UBE2R2: variants seen among roughly 807,000 people sequenced by gnomAD.
UBE2R2 encodes the protein ubiquitin-conjugating enzyme E2 R2.
Under a neutral mutation model 27.8 loss-of-function variants are expected in UBE2R2, and 1 was observed. The ratio of observed to expected loss-of-function variants is 0.04; its 90% CI spans 0.01 to 0.17. The LOEUF is 0.17. UBE2R2 is among the 10% of genes least tolerant of loss of function. The probability of loss-of-function intolerance (pLI) is 1.00; values close to 1 mark genes in which losing one functional copy is unlikely to be tolerated. For missense variants in UBE2R2, 100 were observed against 291.0 expected, an observed-to-expected ratio of 0.34 and a Z score of 4.78; for synonymous variants, 106 against 113.3, an observed-to-expected ratio of 0.94 and a Z score of 0.41.
chr9:33,895,291 A>G (rs1822076187), intron 2 of UBE2R2, among the ~76,000 whole-genome samples: 1 of 152,156 alleles, frequency 6.6e-6, no homozygotes, highest in African/African-American at 2.4e-5. Flanking sequence ...TCCCACTACC[A>G]TTTATTGAAG....
At chr9:33,817,010 G>A (rs891191430), upstream of UBE2R2, among the ~76,000 whole-genome samples, 9 of 151,404 alleles carry the variant, frequency 5.9e-5, no homozygotes, top group East Asian at 2.0e-4. Flanking sequence ...GAAACGGGAG[G>A]AGGAGGAGGT....
intron 2 of UBE2R2, among the ~76,000 whole-genome samples, chr9:33,896,051 G>T (rs1822098232): frequency 6.6e-6 from 1 of 152,060 alleles, no homozygotes; most frequent in South Asian, 2.1e-4. Context: ...GGGATTACAG[G>T]TGTGAGCCAC....
intron 1 of UBE2R2, among the ~76,000 whole-genome samples, chr9:33,831,826 A>AT (rs1205508002): frequency 6.6e-6 from 1 of 151,482 alleles, no homozygotes; most frequent in Admixed American, 6.6e-5. Flanking sequence ...CGCCCGGTTA[A>AT]TTTTTTGTAT....
At chr9:33,842,454 T>A (rs1012403753) in intron 1 of UBE2R2, among the ~76,000 whole-genome samples, 2 of 150,396 alleles carry the variant, frequency 1.3e-5, no homozygotes, top group East Asian at 1.9e-4. Context: ...ATAATTGAAA[T>A]TTTTTTTTTG....
intron 1 of UBE2R2, among the ~76,000 whole-genome samples, chr9:33,880,507 C>A (rs1821710638): frequency 6.6e-6 from 1 of 151,928 alleles, no homozygotes; most frequent in Non-Finnish European, 1.5e-5. Context: ...TATGTCATTT[C>A]TTTAAACTTT....
In UBE2R2 at chr9:33,838,072, A is replaced by G. The variant is rs187017222; in HGVS notation, c.177+20138A>G. On this transcript the variant is annotated intron_variant, in intron 1 of 4. Coordinates refer to ENST00000263228, the MANE Select transcript of UBE2R2 (RefSeq NM_017811.4). ...GTTCCAAGGACCCCCACTGATACCAAAATCTTGAATGGTCAAGTCCCTTAT... is the reference window on the plus strand; with the variant it reads ...GTTCCAAGGACCCCCACTGATACCAGAATCTTGAATGGTCAAGTCCCTTAT... 3.1e-3 allele frequency among the ~76,000 whole-genome samples: 467 copies of G among 152,176 alleles called. 3 individuals are homozygous for G. The highest frequency in any genetic ancestry group is 4.0e-3 in the Non-Finnish European group (271 of 68,000).
intron 1 of UBE2R2, among the ~76,000 whole-genome samples, chr9:33,825,306 A>G (rs1335962968): frequency 1.3e-5 from 2 of 150,604 alleles, no homozygotes; most frequent in Non-Finnish European, 2.9e-5. Context: ...CAGTGGTACA[A>G]TCTTGGCTCA....
intron 1 of UBE2R2, among the ~76,000 whole-genome samples, chr9:33,843,021 CA>C (rs56193762): frequency 4.7e-4 from 46 of 97,782 alleles, no homozygotes; most frequent in Non-Finnish European, 6.0e-4. Context: ...ACCGTGTTTA[CA>C]AAAAAAAAAA....
At chr9:33,879,754 T>C (rs1431616654) in intron 1 of UBE2R2, among the ~76,000 whole-genome samples, 1 of 146,592 alleles carries the variant, frequency 6.8e-6, no homozygotes, top group African/African-American at 2.6e-5. Flanking sequence ...ACAAGACTTT[T>C]TTTTTTTTTT....
chr9:33,890,702 C>T (rs533745318), intron 2 of UBE2R2, among the ~76,000 whole-genome samples: 1 of 151,922 alleles, frequency 6.6e-6, no homozygotes, highest in Non-Finnish European at 1.5e-5. Flanking sequence ...CCCAGCTACT[C>T]AGGAGGCTGA....
At chr9:33,870,278 A>T (rs561657581) in intron 1 of UBE2R2, among the ~76,000 whole-genome samples, 69 of 152,026 alleles carry the variant, frequency 4.5e-4, no homozygotes, top group Non-Finnish European at 8.4e-4. Context: ...CAGTAGCTGG[A>T]ATTACAGGCT....
rs1308227238 is a variant in UBE2R2 at position 33,918,242 on chromosome 9, G to GT, written c.*1011dup. The stretch of plus-strand genomic sequence containing the variant: ...ACTCGTACCATGACGTTTTGTTTTT[G>GT]TTTTTTAAGTAGCCACTTTTAATTA... On this transcript the variant is annotated 3_prime_UTR_variant, in exon 5 of 5. Coordinates refer to ENST00000263228, the MANE Select transcript of UBE2R2 (RefSeq NM_017811.4). 3 of 151,980 alleles carry GT rather than the reference G, an allele frequency of 2.0e-5. No homozygotes were observed. The highest frequency in any genetic ancestry group is 1.3e-4 in the Admixed American group (2 of 15,252). 9.4% of individuals were successfully genotyped at this position (151,980 alleles called of 1,614,324 possible).
intron 1 of UBE2R2, among the ~76,000 whole-genome samples, chr9:33,839,018 G>T (rs956247057): frequency 1.2e-4 from 18 of 150,106 alleles, no homozygotes; most frequent in African/African-American, 4.4e-4. Context: ...GGAGATGGAG[G>T]TTGCAGTGAG....
intron 2 of UBE2R2, among the ~76,000 whole-genome samples, chr9:33,893,008 G>A (rs1822022662): frequency 6.6e-6 from 1 of 152,080 alleles, no homozygotes; most frequent in South Asian, 2.1e-4. Flanking sequence ...CCAAGAGTTC[G>A]AAGTTTCAGT....
At chr9:33,822,642 C>G (rs1219094536) in intron 1 of UBE2R2, among the ~76,000 whole-genome samples, 1 of 151,516 alleles carries the variant, frequency 6.6e-6, no homozygotes, top group Non-Finnish European at 1.5e-5. Context: ...CCAGGCTGGT[C>G]TCGAACTCCT....
rs149926017 is a variant in UBE2R2 at position 33,883,260 on chromosome 9, A to G, written c.178-3621A>G. Among the ~76,000 whole-genome samples, 16 of 152,244 alleles carry G rather than the reference A, an allele frequency of 1.1e-4. No homozygotes were observed. The East Asian group carries it at 2.5e-3, about 24-fold the overall frequency. Reference sequence around the variant, plus strand: ...TCTCTTATCTTAGTCCTCCAATTCAATTCATTGTTGACACTGTCTACCTGG... The same window carrying G: ...TCTCTTATCTTAGTCCTCCAATTCAGTTCATTGTTGACACTGTCTACCTGG... On this transcript the variant is annotated intron_variant, in intron 1 of 4. Coordinates refer to ENST00000263228, the MANE Select transcript of UBE2R2 (RefSeq NM_017811.4).
intron 1 of UBE2R2, among the ~76,000 whole-genome samples, chr9:33,863,373 G>A (rs1246551913): frequency 1.3e-5 from 2 of 149,850 alleles, no homozygotes; most frequent in Admixed American, 6.7e-5. Flanking sequence ...TAAGCAGGGC[G>A]TGGTGGTGCG....
chr9:33,844,115 C>A (rs1587439025), intron 1 of UBE2R2, among the ~76,000 whole-genome samples: 1 of 152,110 alleles, frequency 6.6e-6, no homozygotes, highest in South Asian at 2.1e-4. Context: ...CAGTGAGTAA[C>A]CATAAGCTTG....
At chr9:33,859,075 T>G (rs1226962814) in intron 1 of UBE2R2, among the ~76,000 whole-genome samples, 1 of 152,078 alleles carries the variant, frequency 6.6e-6, no homozygotes, top group African/African-American at 2.4e-5. Context: ...CCACCCACCT[T>G]GGCCACCCAA....
Sources: allele counts gnomAD v4.1 joint callset (sites outside exome capture counted in the v4.1 genomes callset), GRCh38; gene constraint gnomAD v4.1.1; transcripts MANE v1.5; gene names NCBI Gene and HGNC (gene_info 2026-07-23, HGNC 2026-07-21).